The following ERAP1 variants were observed in gnomAD, a reference collection of about 807,000 sequenced individuals.
The protein encoded by ERAP1 is adipocyte-derived leucine aminopeptidase.
A neutral mutation model predicts 103.7 loss-of-function variants in ERAP1; 86 were observed. That is an observed-to-expected ratio of 0.83 (90% confidence interval 0.70 to 0.99). The LOEUF (loss-of-function observed/expected upper bound fraction) is 0.99, where lower values mean the gene tolerates loss of function less well. Ranked by LOEUF, ERAP1 falls within the 50% of genes least tolerant of loss-of-function variation. The pLI is 0.00. For synonymous variants in ERAP1, 398 were observed against 402.4 expected (o/e 0.99, Z 0.13); for missense variants, 1,009 against 1,128.4 (o/e 0.89, Z 1.52).
the ERAP1 span, among the ~76,000 whole-genome samples, chr5:96,894,066 T>C: frequency 6.6e-6 from 1 of 152,222 alleles, no homozygotes; most frequent in Admixed American, 6.5e-5. Context: ...CCTGCTTTAC[T>C]GTATTTATTT....
chr5:96,865,610 C>T, the ERAP1 span, among the ~76,000 whole-genome samples: 1 of 152,116 alleles, frequency 6.6e-6, no homozygotes, highest in African/African-American at 2.4e-5. Flanking sequence ...CCAAATAACC[C>T]TCAAATGTTT....
At chr5:96,873,178 G>A in the ERAP1 span, 2 of 368,346 alleles carry the variant, frequency 5.4e-6, no homozygotes, top group African/African-American at 4.3e-5. Flanking sequence ...GACAGAGTGA[G>A]ACTTTGTCAA....
chr5:96,929,468 CT>C, the ERAP1 span, among the ~76,000 whole-genome samples: 56,092 of 150,350 alleles, frequency 0.37, 10,625 homozygotes, highest in Non-Finnish European at 0.42. Context: ...TCCTTCCTTC[CT>C]TTTTTTTCTT....
intron 11 of ERAP1, 27 bp from the exon 12 acceptor site, chr5:96,786,576 C>A: frequency 6.9e-7 from 1 of 1,457,618 alleles, no homozygotes; most frequent in South Asian, 1.1e-5. Context: ...GTGGATTGTT[C>A]ATTTGTTGAT....
At chr5:96,813,534 T>A in the ERAP1 span, among the ~76,000 whole-genome samples, 34,128 of 150,678 alleles carry the variant, frequency 0.23, 3,938 homozygotes, top group East Asian at 0.28. Context: ...GTGCCTGTAG[T>A]CCCAGTTACT....
chr5:96,886,376 T>C, the ERAP1 span, among the ~76,000 whole-genome samples: 1 of 152,232 alleles, frequency 6.6e-6, no homozygotes, highest in Admixed American at 6.5e-5. Flanking sequence ...TAGAAATATG[T>C]AATATTTTTA....
At chr5:96,785,480 G>A (rs13185488) in intron 13 of ERAP1, 63,962 of 388,310 alleles carry the variant, frequency 0.16, 6,021 homozygotes, top group Non-Finnish European at 0.21. Flanking sequence ...GGACCATGCC[G>A]CGGGGACAAG....
At chr5:96,845,355 C>T in the ERAP1 span, among the ~76,000 whole-genome samples, 422 of 152,208 alleles carry the variant, frequency 2.8e-3, 3 homozygotes, top group African/African-American at 9.3e-3. Flanking sequence ...ATGCTTCACT[C>T]TCCTGAGTAG....
At position 96,795,215 on chromosome 5, in the gene ERAP1, C is replaced by T. The variant is rs148297893; in HGVS notation, c.799-53G>A. 5.6e-6 allele frequency: 9 copies of T among 1,605,578 alleles called. No individual in the cohort carries two copies. The African/African-American group carries it at 1.2e-4, about 21-fold the overall frequency. The stretch of plus-strand genomic sequence containing the variant: ...CAAATATCTTAACTGGCTTCTCTCC[C>T]CACATTGTGTAGAAGACTGACATTA... On this transcript the variant is annotated intron_variant, in intron 4 of 18. Transcript: ENST00000443439.
chr5:96,855,184 A>G, the ERAP1 span, among the ~76,000 whole-genome samples: 1 of 152,332 alleles, frequency 6.6e-6, no homozygotes, highest in East Asian at 1.9e-4. Context: ...TTTACCAGTC[A>G]TGGTAGAGAT....
intron 16 of ERAP1, 147 bp downstream of exon 16, chr5:96,781,546 C>A: frequency 9.8e-7 from 1 of 1,018,070 alleles, no homozygotes; most frequent in Admixed American, 1.8e-5. Context: ...TAATTATTTG[C>A]CTTTCTCATT....
At chr5:96,897,544 C>CT in the ERAP1 span, among the ~76,000 whole-genome samples, 82,184 of 151,822 alleles carry the variant, frequency 0.54, 22,309 homozygotes, top group Admixed American at 0.59. Flanking sequence ...TGTGTCTATT[C>CT]TTTTTTTAAT....
chr5:96,861,280 A>G, the ERAP1 span, among the ~76,000 whole-genome samples: 19 of 152,156 alleles, frequency 1.2e-4, no homozygotes, highest in Non-Finnish European at 2.6e-4. Flanking sequence ...GGACATCTTC[A>G]TGTTACAGAG....
intron 13 of ERAP1, among the ~76,000 whole-genome samples, chr5:96,784,492 A>T (rs901262616): frequency 2.6e-5 from 2 of 75,486 alleles, no homozygotes; most frequent in Non-Finnish European, 6.2e-5. Context: ...CCAAAAAATA[A>T]ATAAACAAAC....
Position 96,783,129 on chromosome 5 carries a change from C to G in ERAP1, c.2207G>C (p.Cys736Ser). The change falls in exon 15 of 19, where the codon TGT becomes TCT. Residue 736 changes from cysteine to serine, a missense_variant. This residue lies in a region of ERAP1 where 611 missense variants were observed against 651.7 expected (regional missense o/e 0.94). Coordinates refer to ENST00000443439, the MANE Select transcript of ERAP1 (RefSeq NM_001040458.3). ...TACGCACGGCTGATAGTTGTGCACA[C>G]AGGCGAGGAGTAGTAGTTGACTCCG... Reference protein sequence around the residue: ...MLRSQLLLLACVHNYQPCVQR... With the variant: ...MLRSQLLLLASVHNYQPCVQR... 6.2e-7 allele frequency: 1 copy of G among 1,614,196 alleles called. No individual in the cohort carries two copies. Among genetic ancestry groups the G allele is most frequent in the Non-Finnish European group, 8.5e-7 (1 of 1,180,048 alleles).
upstream of ERAP1, among the ~76,000 whole-genome samples, chr5:96,812,748 G>A (rs920284591): frequency 5.3e-5 from 8 of 152,164 alleles, no homozygotes; most frequent in African/African-American, 1.4e-4. Flanking sequence ...GGAAAGAAAC[G>A]AATAACTTTC....
the ERAP1 span, among the ~76,000 whole-genome samples, chr5:96,849,011 A>G: frequency 2.0e-5 from 3 of 152,220 alleles, no homozygotes; most frequent in African/African-American, 7.2e-5. Context: ...TATTAACAGA[A>G]TGAAGGACAA....
the ERAP1 span, chr5:96,892,487 G>A: frequency 1.2e-6 from 2 of 1,611,138 alleles, no homozygotes; most frequent in Non-Finnish European, 1.7e-6. Context: ...CTCGATATCA[G>A]TTCAAAATAA....
chr5:96,883,861 G>C, the ERAP1 span: 25 of 1,613,724 alleles, frequency 1.5e-5, no homozygotes, highest in Non-Finnish European at 2.0e-5. Flanking sequence ...ATGAACCGTT[G>C]TTCAAAGCCA....
Sources: gnomAD v4.1 joint callset for allele counts (sites outside exome capture counted in the v4.1 genomes callset) on GRCh38, gnomAD v4.1.1 for gene constraint, gnomAD v4.1.1 regional missense constraint, MANE v1.5 for transcripts, NCBI Gene and HGNC (gene_info 2026-07-23, HGNC 2026-07-21) for gene names.